Variants in ASIC1 observed in about 807,000 individuals in gnomAD.
ASIC1 encodes the protein acid-sensing ion channel 1.
In ASIC1, 21 loss-of-function variants were observed where a neutral mutation model predicts 63.4. The observed-to-expected ratio is 0.33, with a 90% confidence interval of 0.23 to 0.48. The LOEUF is 0.48. Among genes scored for constraint, ASIC1 ranks in the 20% least tolerant of loss-of-function variants. The pLI, the probability that ASIC1 is intolerant of heterozygous loss-of-function variation, is 0.99. For synonymous variants in ASIC1, 258 were observed against 278.2 expected (o/e 0.93, Z 0.72); for missense variants, 478 against 695.5 (o/e 0.69, Z 3.52).
At chr12:50,073,535 C>T in intron 3 of ASIC1, 1 of 1,459,910 alleles carries the variant, frequency 6.8e-7, no homozygotes, top group Non-Finnish European at 9.0e-7. Flanking sequence ...CCTCTGGCAC[C>T]TTCCCCCTTC....
chr12:50,059,656 C>T lies in ASIC1; in HGVS notation c.363-103C>T. On this transcript the variant is annotated intron_variant, in intron 2 of 11. Coordinates refer to ENST00000447966, the MANE Select transcript of ASIC1 (RefSeq NM_001095.4). This position sits in a 1 kb window ranked among gnomAD's most constrained non-coding sequence, Gnocchi z 4.6. Reference sequence around the variant, plus strand: ...CCCAGCTCTCCTTCCTTGCCTACACCTGGGACTGATCCCCAGGGCTGGAGG... The same window carrying T: ...CCCAGCTCTCCTTCCTTGCCTACACTTGGGACTGATCCCCAGGGCTGGAGG... 8.1e-7 allele frequency: 1 copy of T among 1,236,846 alleles called. No homozygotes were observed. Among genetic ancestry groups the T allele is most frequent in the Non-Finnish European group, 1.1e-6 (1 of 882,530 alleles). The allele number at this position is 1,236,846 out of a possible 1,614,324, so 76.6% of individuals were successfully genotyped here.
At chr12:50,066,274 G>T (rs1429105602) in intron 3 of ASIC1, among the ~76,000 whole-genome samples, 1 of 152,154 alleles carries the variant, frequency 6.6e-6, no homozygotes, top group Non-Finnish European at 1.5e-5. Context: ...GAGGAGTTGT[G>T]TGACTTGCCT....
Position 50,059,849 on chromosome 12 carries a change from C to T in ASIC1, c.453C>T (p.Pro151=). Residue 151 remains proline, a synonymous_variant, in exon 3 of 12, where the codon CCC becomes CCT. Transcript: ENST00000447966. This position sits in a 1 kb window ranked among gnomAD's most constrained non-coding sequence, Gnocchi z 4.6. ...ACTTCCGCAGCTTCAAACCCAAACC[C>T]TTCAACATGCGTGAGTTCTACGACC... ...KANFRSFKPK[P]FNMREFYDRA... is the part of the protein sequence containing the mutation. 1 of 1,614,218 alleles carries T rather than the reference C, an allele frequency of 6.2e-7. No homozygotes were observed. Among genetic ancestry groups the T allele is most frequent in the South Asian group, 1.1e-5 (1 of 91,086 alleles).
chr12:50,073,363 G>T (rs796276242), intron 3 of ASIC1, among the ~76,000 whole-genome samples: 2 of 152,168 alleles, frequency 1.3e-5, no homozygotes, highest in African/African-American at 4.8e-5. Flanking sequence ...CCAGACACCC[G>T]CCCTCCCTGG....
chr12:50,058,657 T>C (rs957993720), intron 1 of ASIC1, 94 bp from the exon 2 acceptor site: 42 of 1,452,454 alleles, frequency 2.9e-5, no homozygotes, highest in Non-Finnish European at 3.4e-5. Context: ...TGGTGACCTC[T>C]GGAGATGAGG....
chr12:50,057,690 G>C lies in ASIC1; in HGVS notation c.-243G>C, dbSNP rs1565722504. 6.6e-6 allele frequency: 1 copy of C among 151,364 alleles called. No individual in the cohort carries two copies. The highest frequency in any genetic ancestry group is 1.5e-5 in the Non-Finnish European group (1 of 67,618). The allele number at this position is 151,364 out of a possible 1,614,324, so 9.4% of individuals were successfully genotyped here. ...GCACCGCGCCGAGCCCGGGCAGACC[G>C]AGCCGAGGCGAGCGAGCCAGCGAGC... On this transcript the variant is annotated 5_prime_UTR_variant, in exon 1 of 12. Transcript: ENST00000447966. The surrounding 1 kb of genome is among the most constrained non-coding windows in gnomAD (Gnocchi z 4.7).
At position 50,081,578 on chromosome 12, in the gene ASIC1, G is replaced by C; in HGVS notation, c.1516G>C (p.Gly506Arg). The C allele has an allele frequency of 6.2e-7, 1 of 1,614,130 alleles. No homozygotes were observed. The change falls in exon 12 of 12, where the codon GGG becomes CGG. Residue 506 changes from glycine to arginine, a missense_variant. Gly to Arg is a moderately radical substitution (Grantham distance 125). Coordinates refer to ENST00000447966, the MANE Select transcript of ASIC1 (RefSeq NM_001095.4). ...PCESLRGHPA[G>R]MTYAANILPH... ...CGAGAGCCTTCGGGGCCACCCTGCCGGGATGACATACGCTGCCAACATCCT... is the reference window on the plus strand; with the variant it reads ...CGAGAGCCTTCGGGGCCACCCTGCCCGGATGACATACGCTGCCAACATCCT...
chr12:50,065,996 G>A (rs183521696), intron 3 of ASIC1, among the ~76,000 whole-genome samples: 1 of 152,330 alleles, frequency 6.6e-6, no homozygotes, highest in Admixed American at 6.5e-5. Flanking sequence ...TGTGTCTGCA[G>A]GGGAGTGTGA....
intron 3 of ASIC1, among the ~76,000 whole-genome samples, chr12:50,063,099 C>T (rs1274722815): frequency 6.6e-6 from 1 of 152,206 alleles, no homozygotes; most frequent in Non-Finnish European, 1.5e-5. Context: ...TCCTTTTCTT[C>T]CTGGTAGGGT....
At chr12:50,081,230 G>C (rs759388728) in intron 10 of ASIC1, 30 bp from the exon 11 acceptor site, 3 of 1,603,912 alleles carry the variant, frequency 1.9e-6, no homozygotes. Flanking sequence ...GCGGGGTCCA[G>C]CCCGCCCACC....
At chr12:50,073,951 C>G in intron 3 of ASIC1, 1 of 1,535,884 alleles carries the variant, frequency 6.5e-7, no homozygotes, top group Non-Finnish European at 8.7e-7. Context: ...CGTGACCCTT[C>G]TAAACGAAGT....
chr12:50,058,861 A>G lies in ASIC1; in HGVS notation c.95A>G (p.His32Arg). Residue 32 changes from histidine to arginine, a missense_variant, in exon 2 of 12, where the codon CAC becomes CGC. This residue lies in a region of ASIC1 where 290 missense variants were observed against 414.9 expected (regional missense o/e 0.70). Transcript: ENST00000447966. The part of the protein sequence containing the change: ...ASSSTLHGLA[H>R]IFSYERLSLK... ...AGCTCCACACTGCACGGCCTGGCCC[A>G]CATCTTCTCCTACGAGCGGCTGTCT... is the stretch of plus-strand genomic sequence containing the variant. The G allele has an allele frequency of 6.2e-7, 1 of 1,614,040 alleles. No homozygotes were observed. Among genetic ancestry groups the G allele is most frequent in the Non-Finnish European group, 8.5e-7 (1 of 1,179,980 alleles).
chr12:50,061,064 A>C lies in ASIC1; in HGVS notation c.558+1110A>C, dbSNP rs201430675. Among the ~76,000 whole-genome samples, 247 of 152,230 alleles carry C rather than the reference A, an allele frequency of 1.6e-3. 2 individuals are homozygous for C. The highest frequency in any genetic ancestry group is 0.013 in the East Asian group (66 of 5,176). On this transcript the variant is annotated intron_variant, in intron 3 of 11. Transcript: ENST00000447966. The stretch of plus-strand genomic sequence containing the variant: ...GAAAATGTCCTTTACTCTTTTAATT[A>C]ATATTGTGGACCCTGGGGTTATTGT...
intron 9 of ASIC1, chr12:50,080,819 T>A: frequency 8.5e-7 from 1 of 1,182,738 alleles, no homozygotes; most frequent in Non-Finnish European, 1.2e-6. Context: ...GGGGTAGGCA[T>A]GGAAGTGGAG....
In ASIC1 at chr12:50,081,577, C is replaced by T. The variant is rs776738327; in HGVS notation, c.1515C>T (p.Ala505=). 3.1e-6 allele frequency: 5 copies of T among 1,614,172 alleles called. No homozygotes were observed. The South Asian group carries it at 4.4e-5, about 14-fold the overall frequency. Residue 505 remains alanine, a synonymous_variant, in exon 12 of 12, where the codon GCC becomes GCT. Transcript: ENST00000447966. ...GCGAGAGCCTTCGGGGCCACCCTGC[C>T]GGGATGACATACGCTGCCAACATCC... The part of the protein sequence containing the change: ...NPCESLRGHP[A]GMTYAANILP...
At chr12:50,073,982 T>C in intron 3 of ASIC1, 2 of 1,535,806 alleles carry the variant, frequency 1.3e-6, no homozygotes, top group Non-Finnish European at 1.7e-6. Flanking sequence ...GAGCTGGCCT[T>C]CCCGGCAGTC....
At chr12:50,061,004 C>T (rs564386351) in intron 3 of ASIC1, among the ~76,000 whole-genome samples, 3 of 152,284 alleles carry the variant, frequency 2.0e-5, no homozygotes, top group Admixed American at 6.5e-5. Context: ...TGACAGGTGA[C>T]AGGTTCAGGA....
chr12:50,080,310 A>C (rs1950702197), intron 8 of ASIC1, 188 bp from the exon 9 acceptor site: 4 of 766,532 alleles, frequency 5.2e-6, no homozygotes, highest in Admixed American at 2.6e-5. Context: ...TGCATACTGC[A>C]TATGGTACAG....
chr12:50,081,443 C>CCCCCAAG, intron 11 of ASIC1, 79 bp downstream of exon 11: 1 of 1,453,582 alleles, frequency 6.9e-7, no homozygotes, highest in Non-Finnish European at 9.4e-7. Flanking sequence ...CCCGCCCACC[C>CCCCCAAG]GCCTCTGCCA....
Sources: gnomAD v4.1 joint callset for allele counts (sites outside exome capture counted in the v4.1 genomes callset) on GRCh38, gnomAD v4.1.1 for gene constraint, gnomAD v4.1.1 regional missense constraint, Gnocchi (gnomAD v3.1) non-coding constraint, MANE v1.5 for transcripts, NCBI Gene and HGNC (gene_info 2026-07-23, HGNC 2026-07-21) for gene names.